ENOX2: variants seen among roughly 807,000 people sequenced by gnomAD.
ENOX2 encodes the protein APK1 antigen.
ENOX2 carries 36 observed loss-of-function variants against 45.0 expected under a neutral mutation model. That is an observed-to-expected ratio of 0.80 (90% CI 0.61 to 1.06). The LOEUF (loss-of-function observed/expected upper bound fraction) is 1.06, where lower values mean the gene tolerates loss of function less well. Among genes scored for constraint, ENOX2 ranks in the 50% least tolerant of loss-of-function variants. The probability of loss-of-function intolerance (pLI) is 0.00; values close to 1 mark genes in which losing one functional copy is unlikely to be tolerated. For synonymous variants in ENOX2, 174 were observed against 152.3 expected, an observed-to-expected ratio of 1.14 and a Z score of -1.05; for missense variants, 423 against 462.5, an observed-to-expected ratio of 0.91 and a Z score of 0.78.
chrX:130,829,055 T>C (rs2077772188), intron 2 of ENOX2, among the ~76,000 whole-genome samples: 1 of 111,908 alleles, frequency 8.9e-6, no homozygotes, highest in Non-Finnish European at 1.9e-5. Context: ...TTAGCCCTTC[T>C]AGCCTCACCC....
chrX:130,669,764 C>T (rs1383051439), intron 7 of ENOX2, among the ~76,000 whole-genome samples: 5 of 112,032 alleles, frequency 4.5e-5, no homozygotes, highest in Non-Finnish European at 9.4e-5. Flanking sequence ...AATGAAGGAG[C>T]AGACACAGGT....
intron 2 of ENOX2, among the ~76,000 whole-genome samples, chrX:130,855,790 G>C (rs987115932): frequency 8.9e-6 from 1 of 111,841 alleles, no homozygotes; most frequent in Non-Finnish European, 1.9e-5. Context: ...ACAAGCCACA[G>C]ATTGGCAAAA....
Position 130,720,310 on chromosome X carries a change from C to T in ENOX2, c.-38-17056G>A, listed in dbSNP as rs141616955. Among the ~76,000 whole-genome samples the T allele has an allele frequency of 2.9e-3, 324 of 112,337 alleles. 2 individuals carry two copies. The highest frequency in any genetic ancestry group is 5.2e-3 in the Non-Finnish European group (275 of 53,244). On this transcript the variant is annotated intron_variant, in intron 3 of 14. Transcript: ENST00000394363. ...GGCTTTTCTGAGGAAAACAGGGAGG[C>T]ATGGAGAGGTTAAGTGAAAATCAGC...
intron 2 of ENOX2, among the ~76,000 whole-genome samples, chrX:130,814,134 C>T (rs986697866): frequency 4.5e-5 from 5 of 112,235 alleles, no homozygotes; most frequent in African/African-American, 6.5e-5. Context: ...CCAGGAGGTT[C>T]GAAGGGGGTG....
chrX:130,653,025 A>G (rs1405590792), intron 10 of ENOX2, among the ~76,000 whole-genome samples: 1 of 112,312 alleles, frequency 8.9e-6, no homozygotes, highest in Non-Finnish European at 1.9e-5. Context: ...TAGTGAACCA[A>G]TACAATCAAC....
At chrX:130,764,459 T>C (rs1296385187) in intron 3 of ENOX2, among the ~76,000 whole-genome samples, 1 of 110,612 alleles carries the variant, frequency 9.0e-6, no homozygotes, top group Non-Finnish European at 1.9e-5. Flanking sequence ...TTTTTCTCCA[T>C]TGAGACAGTA....
rs976557812 is a variant in ENOX2 at position 130,653,529 on chromosome X, A to G, written c.1129+3052T>C. On this transcript the variant is annotated intron_variant, in intron 10 of 14. Transcript: ENST00000394363. Reference sequence around the variant, plus strand: ...ACTCCCTCCCTTCCCCCCACCATCAAGATGCTTTCTTATCTTCCTATCATC... The same window carrying G: ...ACTCCCTCCCTTCCCCCCACCATCAGGATGCTTTCTTATCTTCCTATCATC... Among the ~76,000 whole-genome samples the G allele has an allele frequency of 2.7e-5, 3 of 110,560 alleles. No homozygotes were observed. The Admixed American group carries it at 2.9e-4, about 11-fold the overall frequency.
rs973146298 is a variant in ENOX2, at chrX:130,783,648, G to A, written c.-140C>T. 4 of 325,623 alleles carry A rather than the reference G, an allele frequency of 1.2e-5. No individual in the cohort carries two copies. Among genetic ancestry groups the A allele is most frequent in the African/African-American group, 8.0e-5 (3 of 37,345 alleles). 26.8% of individuals were successfully genotyped at this position (325,623 alleles called of 1,213,427 possible). The stretch of plus-strand genomic sequence containing the variant: ...GCCACTGGCACTACCAAACTGCAGG[G>A]GCTCGTTGTTGTTAGCAGGGTCAAA... On this transcript the variant is annotated 5_prime_UTR_variant, in exon 3 of 15. Coordinates refer to ENST00000394363, the MANE Select transcript of ENOX2 (RefSeq NM_006375.4).
chrX:130,793,603 A>G (rs958484830), intron 2 of ENOX2, among the ~76,000 whole-genome samples: 1 of 111,796 alleles, frequency 8.9e-6, no homozygotes, highest in Non-Finnish European at 1.9e-5. Flanking sequence ...TGGACTAGAG[A>G]GAGTATCATT....
rs987306933 is a variant in ENOX2 at position 130,625,226 on chromosome X, C to A, written c.*88G>T. 5.7e-6 allele frequency: 6 copies of A among 1,045,944 alleles called. No individual in the cohort carries two copies. In the African/African-American group the frequency reaches 7.6e-5, roughly 13 times the overall value. The allele number at this position is 1,045,944 out of a possible 1,213,427, so 86.2% of individuals were successfully genotyped here. A position where few individuals can be genotyped will look rare whatever the true frequency, so the allele number is the denominator to read the frequency against. Reference sequence around the variant, plus strand: ...ACTGACAAATTCAAAGGAACTTCCACTTGAAAACCATTAAAAATATAAATC... The same window carrying A: ...ACTGACAAATTCAAAGGAACTTCCAATTGAAAACCATTAAAAATATAAATC... On this transcript the variant is annotated 3_prime_UTR_variant, in exon 15 of 15. Coordinates refer to ENST00000394363, the MANE Select transcript of ENOX2 (RefSeq NM_006375.4).
chrX:130,692,746 ATTTT>A (rs59522175), intron 4 of ENOX2, among the ~76,000 whole-genome samples: 3 of 93,903 alleles, frequency 3.2e-5, no homozygotes, highest in Non-Finnish European at 4.3e-5. Flanking sequence ...ATACCCGGCT[ATTTT>A]TTTTTTTTTT....
intron 2 of ENOX2, among the ~76,000 whole-genome samples, chrX:130,822,638 G>C (rs1377641675): frequency 9.1e-6 from 1 of 109,892 alleles, no homozygotes. Context: ...GGGGTAGGGG[G>C]AGGGGGAAGG....
rs747143841 is a variant in ENOX2 at position 130,670,189 on chromosome X, A to C, written c.470T>G (p.Ile157Ser). 1 of 1,201,187 alleles carries C rather than the reference A, an allele frequency of 8.3e-7. No individual in the cohort carries two copies. The highest frequency in any genetic ancestry group is 1.8e-5 in the African/African-American group (1 of 56,712). The change falls in exon 7 of 15, where the codon ATT becomes AGT. Residue 157 changes from isoleucine (I) to serine (S), a missense_variant. Physicochemically the swap from Ile to Ser is moderately radical, Grantham distance 142. Transcript: ENST00000394363. ...CTTGTCAGTACTAGAGCCCAGGCGA[A>C]TGCGGTAACCTAAGTCCACAGGAGG... ...DKALYLSGYRIRLGSSTDKKD... is the reference protein window; with the variant it reads ...DKALYLSGYRSRLGSSTDKKD...
chrX:130,721,117 T>C (rs1368762597), intron 3 of ENOX2, among the ~76,000 whole-genome samples: 6 of 111,153 alleles, frequency 5.4e-5, no homozygotes, highest in Non-Finnish European at 7.5e-5. Context: ...CTGAATACGA[T>C]CGTGTCATTT....
At chrX:130,844,622 G>A (rs2078068157) in intron 2 of ENOX2, among the ~76,000 whole-genome samples, 1 of 112,204 alleles carries the variant, frequency 8.9e-6, no homozygotes, top group Non-Finnish European at 1.9e-5. Flanking sequence ...GGATAACCAA[G>A]TAGACACAAA....
At chrX:130,810,579 T>C (rs1603355492) in intron 2 of ENOX2, among the ~76,000 whole-genome samples, 1 of 111,777 alleles carries the variant, frequency 8.9e-6, no homozygotes, top group Admixed American at 9.4e-5. Flanking sequence ...TAGGCCCATG[T>C]AGTCTTAGGT....
chrX:130,886,161 C>T (rs1335627017), intron 2 of ENOX2, among the ~76,000 whole-genome samples: 1 of 112,665 alleles, frequency 8.9e-6, no homozygotes, highest in Admixed American at 9.4e-5. Context: ...TGCTCTTCAA[C>T]GTAACCTTGA....
chrX:130,629,535 A>G (rs916645201), intron 13 of ENOX2, among the ~76,000 whole-genome samples: 4 of 112,717 alleles, frequency 3.5e-5, no homozygotes, highest in Non-Finnish European at 7.5e-5. Flanking sequence ...CCCTGTTGCC[A>G]TGCCAATTTG....
chrX:130,762,779 A>G (rs1368804857), intron 3 of ENOX2, among the ~76,000 whole-genome samples: 1 of 111,831 alleles, frequency 8.9e-6, no homozygotes, highest in African/African-American at 3.3e-5. Flanking sequence ...CCCACGATGT[A>G]GTCTATCTTG....
Sources: allele counts gnomAD v4.1 joint callset (sites outside exome capture counted in the v4.1 genomes callset), GRCh38; gene constraint gnomAD v4.1.1; transcripts MANE v1.5; gene names NCBI Gene and HGNC (gene_info 2026-07-23, HGNC 2026-07-21).